Variants in NEBL observed in about 807,000 individuals in gnomAD.
NEBL encodes LIM and SH3 protein 2.
In NEBL, 122 loss-of-function variants were observed where a neutral mutation model predicts 140.2. The ratio of observed to expected loss-of-function variants is 0.87; its 90% CI spans 0.75 to 1.01. The LOEUF is 1.01. Ranked by LOEUF, NEBL falls within the 50% of genes least tolerant of loss-of-function variation. The pLI, the probability that NEBL is intolerant of heterozygous loss-of-function variation, is 0.00. For synonymous variants in NEBL, 436 were observed against 398.9 expected (o/e 1.09, Z -1.11); for missense variants, 1,365 against 1,231.3 (o/e 1.11, Z -1.62).
chr10:21,118,484 C>T lies in NEBL; in HGVS notation c.164+53899G>A, dbSNP rs115400216. The stretch of plus-strand genomic sequence containing the variant: ...AAGATAATAGCACAGTATGTAACTC[C>T]GAGCTTTTCTCTACTTAATGTTCTA... On this transcript the variant is annotated intron_variant, in intron 2 of 6. Coordinates refer to the NEBL transcript ENST00000417816. Among the ~76,000 whole-genome samples the T allele has an allele frequency of 4.4e-3, 674 of 152,172 alleles. 4 individuals carry two copies. The highest frequency in any genetic ancestry group is 0.015 in the African/African-American group (632 of 41,540).
intron 2 of NEBL, among the ~76,000 whole-genome samples, chr10:20,892,074 C>T (rs1847081040): frequency 6.6e-6 from 1 of 152,122 alleles, no homozygotes; most frequent in Non-Finnish European, 1.5e-5. Flanking sequence ...GGGTTGACAC[C>T]ATCTATTGGA....
intron 2 of NEBL, among the ~76,000 whole-genome samples, chr10:21,103,283 G>C (rs544918669): frequency 6.7e-6 from 1 of 148,426 alleles, no homozygotes; most frequent in African/African-American, 2.5e-5. Flanking sequence ...CTGCAATCTC[G>C]GCCCACTGCA....
chr10:20,808,391 A>T, intron 26 of NEBL, 119 bp downstream of exon 26: 1 of 1,075,610 alleles, frequency 9.3e-7, no homozygotes, highest in Non-Finnish European at 1.4e-6. Context: ...CTTAATTTTA[A>T]ATTCTCAAAT....
rs35627113 is a variant in NEBL at position 20,992,765 on chromosome 10, CTTTTTTTTTTT to C, written c.249+27341_249+27351del. ...AATCAGTCATTTGCAACTACAAAGT[CTTTTTTTTTTT>C]TTTTTTTTTTTTTTTTTTTGAGGCG... On this transcript the variant is annotated intron_variant, in intron 3 of 6. Coordinates refer to the NEBL transcript ENST00000417816. Among the ~76,000 whole-genome samples the C allele has an allele frequency of 1.1e-4, 6 of 52,460 alleles. No individual in the cohort carries two copies. The South Asian group carries it at 4.5e-3, about 39-fold the overall frequency. 34.4% of individuals were successfully genotyped at this position (52,460 alleles called of 152,430 possible). A position where few individuals can be genotyped will look rare whatever the true frequency, so the allele number is the denominator to read the frequency against.
At chr10:21,279,287 C>CA (rs1554836316) in intron 1 of NEBL, among the ~76,000 whole-genome samples, 5,185 of 101,728 alleles carry the variant, frequency 0.051, 300 homozygotes, top group African/African-American at 0.22. Flanking sequence ...TTTATTTTTT[C>CA]AATTTTTTTT....
chr10:21,066,003 C>T (rs1223957783), intron 2 of NEBL, among the ~76,000 whole-genome samples: 5 of 152,200 alleles, frequency 3.3e-5, no homozygotes, highest in Non-Finnish European at 7.3e-5. Context: ...CCTTCTACAC[C>T]TCCATCCTCA....
chr10:20,965,845 C>T (rs1836288560), intron 3 of NEBL, among the ~76,000 whole-genome samples: 1 of 152,134 alleles, frequency 6.6e-6, no homozygotes, highest in Admixed American at 6.5e-5. Flanking sequence ...TTGGGCCCAG[C>T]CTCAGGGCCC....
At chr10:21,253,600 A>G (rs777787641) in intron 1 of NEBL, among the ~76,000 whole-genome samples, 3 of 144,528 alleles carry the variant, frequency 2.1e-5, no homozygotes, top group Non-Finnish European at 3.0e-5. Flanking sequence ...CTGGAGTGCA[A>G]TGGCGCAATC....
At chr10:21,014,508 A>T (rs1214264145) in intron 3 of NEBL, among the ~76,000 whole-genome samples, 1 of 152,232 alleles carries the variant, frequency 6.6e-6, no homozygotes, top group Non-Finnish European at 1.5e-5. Context: ...TTCTCCAATT[A>T]TCTTTGGACA....
chr10:20,874,700 G>T (rs1345759732), intron 5 of NEBL, among the ~76,000 whole-genome samples: 3 of 152,046 alleles, frequency 2.0e-5, no homozygotes, highest in Non-Finnish European at 4.4e-5. Flanking sequence ...TTTCCGTCAC[G>T]AAATCTAGAG....
intron 3 of NEBL, among the ~76,000 whole-genome samples, chr10:21,209,648 C>CTTTTTTTTTTTTCTT (rs1196139579): frequency 2.1e-5 from 3 of 141,226 alleles, no homozygotes; most frequent in Non-Finnish European, 4.6e-5. Flanking sequence ...GGCACCTGAC[C>CTTTTTTTTTTTTCTT]TTTTTTTTTT....
intron 1 of NEBL, among the ~76,000 whole-genome samples, chr10:21,258,904 G>A (rs1340737596): frequency 1.3e-5 from 2 of 152,028 alleles, no homozygotes; most frequent in South Asian, 2.1e-4. Context: ...CATTGGGTCA[G>A]GCAATGTTCT....
At chr10:21,121,542 G>C (rs1414104959) in intron 2 of NEBL, among the ~76,000 whole-genome samples, 1 of 152,068 alleles carries the variant, frequency 6.6e-6, no homozygotes, top group Non-Finnish European at 1.5e-5. Flanking sequence ...TGCCTATCAC[G>C]TGCACACTAT....
intron 4 of NEBL, among the ~76,000 whole-genome samples, chr10:20,937,169 T>A (rs1834535119): frequency 6.6e-6 from 1 of 152,090 alleles, no homozygotes; most frequent in Admixed American, 6.5e-5. Flanking sequence ...TTTTCCCATG[T>A]CTCTCAATTA....
chr10:21,190,155 T>C (rs1841548723), intron 3 of NEBL, among the ~76,000 whole-genome samples: 1 of 152,170 alleles, frequency 6.6e-6, no homozygotes, highest in Admixed American at 6.5e-5. Context: ...ACTCAATATG[T>C]GGTTATTAAT....
At chr10:20,805,490 T>C (rs1837530289) in intron 26 of NEBL, among the ~76,000 whole-genome samples, 3 of 152,150 alleles carry the variant, frequency 2.0e-5, no homozygotes, top group Non-Finnish European at 4.4e-5. Context: ...GCAATGTCCC[T>C]AAAGACAGAG....
At chr10:21,146,613 A>C (rs1839907406) in intron 2 of NEBL, 1 of 762,238 alleles carries the variant, frequency 1.3e-6, no homozygotes, top group Admixed American at 2.5e-5. Context: ...ACCGTTGCTT[A>C]GTAACAAACA....
intron 24 of NEBL, 115 bp from the exon 25 acceptor site, chr10:20,810,013 T>C (rs1159674961): frequency 3.1e-5 from 23 of 740,334 alleles, no homozygotes; most frequent in Non-Finnish European, 4.5e-5. Flanking sequence ...GGAATAGATA[T>C]AAGAAGCAAA....
chr10:20,918,790 G>A (rs150002129), intron 4 of NEBL, among the ~76,000 whole-genome samples: 32 of 152,042 alleles, frequency 2.1e-4, no homozygotes, highest in African/African-American at 7.7e-4. Context: ...GGTAGAGCTT[G>A]CAGTGAGCCG....
Sources: allele counts gnomAD v4.1 joint callset (sites outside exome capture counted in the v4.1 genomes callset), GRCh38; gene constraint gnomAD v4.1.1; transcripts MANE v1.5; gene names NCBI Gene and HGNC (gene_info 2026-07-23, HGNC 2026-07-21).